ACOT1: variants seen among roughly 807,000 people sequenced by gnomAD.
The protein encoded by ACOT1 is acyl-CoA thioesterase 1.
Under a neutral mutation model 15.7 loss-of-function variants are expected in ACOT1, and 8 were observed. The ratio of observed to expected loss-of-function variants is 0.51; its 90% confidence interval spans 0.30 to 0.92. ACOT1 has a LOEUF of 0.92. Ranked by LOEUF, ACOT1 falls within the 40% of genes least tolerant of loss-of-function variation. ACOT1 has a pLI of 0.06. For synonymous variants in ACOT1, 67 were observed against 241.2 expected (o/e 0.28, Z 6.69); for missense variants, 151 against 539.4 (o/e 0.28, Z 7.13).
chr14:73,541,402 T>G, intron 1 of ACOT1, 91 bp from the exon 2 acceptor site: 1 of 1,048,106 alleles, frequency 9.5e-7, no homozygotes, highest in Non-Finnish European at 1.3e-6. Flanking sequence ...CTGGGTCACA[T>G]GTGTGGTAAG....
upstream of ACOT1, among the ~76,000 whole-genome samples, chr14:73,533,498 G>T (rs1164400021): frequency 1.7e-4 from 20 of 114,438 alleles, 6 homozygotes; most frequent in Non-Finnish European, 3.2e-4. Context: ...GGTCAACATG[G>T]TGGAACCCCA....
chr14:73,521,482 T>C, the ACOT1 span, among the ~76,000 whole-genome samples: 1 of 152,226 alleles, frequency 6.6e-6, no homozygotes, highest in Non-Finnish European at 1.5e-5. Context: ...TATCTGTGTC[T>C]GTTGCTTTTA....
the ACOT1 span, among the ~76,000 whole-genome samples, chr14:73,493,588 A>G: frequency 2.0e-5 from 3 of 152,108 alleles, no homozygotes; most frequent in African/African-American, 4.8e-5. Context: ...CTGTAATCCT[A>G]GCACTTTAGG....
chr14:73,503,493 C>T, the ACOT1 span, among the ~76,000 whole-genome samples: 1 of 152,210 alleles, frequency 6.6e-6, no homozygotes, highest in African/African-American at 2.4e-5. Flanking sequence ...GCAAAGATTA[C>T]TACACGATGA....
the ACOT1 span, chr14:73,492,047 A>G: frequency 7.4e-6 from 12 of 1,613,948 alleles, 2 homozygotes; most frequent in South Asian, 1.3e-4. The surrounding 1 kb of genome is among the most constrained non-coding windows in gnomAD (Gnocchi z 4.9). Context: ...CTACGACGAC[A>G]TCGAGGCCTT....
the ACOT1 span, chr14:73,522,138 G>C: frequency 1.1e-6 from 1 of 929,020 alleles, no homozygotes; most frequent in Middle Eastern, 3.5e-4. Context: ...AGCTCTCAGA[G>C]AGCAGGCCGG....
At chr14:73,509,220 G>C in the ACOT1 span, 7 of 1,230,372 alleles carry the variant, frequency 5.7e-6, no homozygotes, top group Non-Finnish European at 8.3e-6. Context: ...AGACATTGCA[G>C]AGCATCACAG....
chr14:73,520,160 C>G, the ACOT1 span: 1 of 152,120 alleles, frequency 6.6e-6, no homozygotes. Context: ...AGTTTAGGAA[C>G]AAGATGGGGC....
the ACOT1 span, chr14:73,492,166 T>G: frequency 1.2e-6 from 2 of 1,613,962 alleles, no homozygotes; most frequent in Admixed American, 3.3e-5. This position sits in a 1 kb window ranked among gnomAD's most constrained non-coding sequence, Gnocchi z 4.9. Context: ...ACGACCTCGG[T>G]GAGCCGGTGC....
chr14:73,505,017 C>T, the ACOT1 span, among the ~76,000 whole-genome samples: 6 of 151,460 alleles, frequency 4.0e-5, no homozygotes, highest in South Asian at 2.1e-4. Flanking sequence ...CTGAAACCGC[C>T]GCCTCCCAGG....
chr14:73,499,466 C>T, the ACOT1 span, among the ~76,000 whole-genome samples: 14 of 151,810 alleles, frequency 9.2e-5, no homozygotes, highest in Middle Eastern at 3.2e-3. Context: ...GGTGACAGAG[C>T]GAGTCTCCAT....
At position 73,537,360 on chromosome 14, in the gene ACOT1, C is replaced by A; in HGVS notation, c.-62C>A. 2 of 1,193,690 alleles carry A rather than the reference C, an allele frequency of 1.7e-6. No homozygotes were observed. Among genetic ancestry groups the A allele is most frequent in the South Asian group, 1.4e-5 (1 of 69,708 alleles). 73.9% of individuals were successfully genotyped at this position (1,193,690 alleles called of 1,614,324 possible). Reference sequence around the variant, plus strand: ...CGGCAGCCCGAGAGGAAGAGTTGGGCAGAGTTGCAGGGGTCTCCACAGCTG... The same window carrying A: ...CGGCAGCCCGAGAGGAAGAGTTGGGAAGAGTTGCAGGGGTCTCCACAGCTG... On this transcript the variant is annotated 5_prime_UTR_variant, in exon 1 of 3. Coordinates refer to ENST00000311148, the MANE Select transcript of ACOT1 (RefSeq NM_001037161.2).
At chr14:73,519,023 A>G in the ACOT1 span, 2 of 1,611,734 alleles carry the variant, frequency 1.2e-6, no homozygotes, top group South Asian at 1.1e-5. Context: ...TCCTGCTTAC[A>G]TGCTTCAGGA....
chr14:73,491,705 G>C, the ACOT1 span: 1 of 1,550,372 alleles, frequency 6.5e-7, no homozygotes, highest in South Asian at 1.2e-5. Flanking sequence ...GGCGGTGCTG[G>C]TGCGGCGGCA....
At chr14:73,506,113 A>T in the ACOT1 span, among the ~76,000 whole-genome samples, 1 of 150,934 alleles carries the variant, frequency 6.6e-6, no homozygotes, top group Admixed American at 6.6e-5. Flanking sequence ...CTGGTCTCCA[A>T]CTCCTGACCT....
the ACOT1 span, among the ~76,000 whole-genome samples, chr14:73,503,518 C>T: frequency 6.6e-6 from 1 of 152,172 alleles, no homozygotes; most frequent in African/African-American, 2.4e-5. Context: ...TAAATGTGCC[C>T]ACGCTGTTCT....
the ACOT1 span, chr14:73,522,957 T>C: frequency 6.2e-7 from 1 of 1,614,216 alleles, no homozygotes; most frequent in South Asian, 1.1e-5. Context: ...GCAGCAGCCA[T>C]TTTCAAATAT....
At position 73,537,839 on chromosome 14, in the gene ACOT1, C is replaced by T; in HGVS notation, c.418C>T (p.Arg140Cys). 3 of 1,208,304 alleles carry T rather than the reference C, an allele frequency of 2.5e-6. 1 individual carries two copies. The highest frequency in any genetic ancestry group is 1.5e-5 in the South Asian group (1 of 68,264). The allele number at this position is 1,208,304 out of a possible 1,614,324, so 74.8% of individuals were successfully genotyped here. A position where few individuals can be genotyped will look rare whatever the true frequency, so the allele number is the denominator to read the frequency against. ...GCCCGGGGTGCGGCGCGAGCCGGTG[C>T]GCGCGGGCCGGGTGCGAGGCACGCT... is the stretch of plus-strand genomic sequence containing the variant. ...LPPGVRREPV[R>C]AGRVRGTLFL... The change falls in exon 1 of 3, where the codon CGC becomes TGC. Residue 140 changes from arginine to cysteine, a missense_variant. By Grantham distance (180) the Arg-to-Cys change is radical. Coordinates refer to ENST00000311148, the MANE Select transcript of ACOT1 (RefSeq NM_001037161.2).
chr14:73,514,358 G>T, the ACOT1 span: 1 of 785,140 alleles, frequency 1.3e-6, no homozygotes, highest in Non-Finnish European at 2.0e-6. Context: ...ACCCTCAAGA[G>T]TGAATTTCCC....
Sources: gnomAD v4.1 joint callset for allele counts (sites outside exome capture counted in the v4.1 genomes callset) on GRCh38, gnomAD v4.1.1 for gene constraint, Gnocchi (gnomAD v3.1) non-coding constraint, MANE v1.5 for transcripts, NCBI Gene and HGNC (gene_info 2026-07-23, HGNC 2026-07-21) for gene names.